KCTD3: variants seen among roughly 807,000 people sequenced by gnomAD.
KCTD3 encodes the protein potassium channel tetramerization domain containing 3.
A neutral mutation model predicts 85.8 loss-of-function variants in KCTD3; 41 were observed. The observed-to-expected ratio is 0.48, with a 90% CI of 0.37 to 0.62. KCTD3 has a LOEUF of 0.62. Among genes scored for constraint, KCTD3 ranks in the 20% least tolerant of loss-of-function variants. The probability of loss-of-function intolerance (pLI) is 0.00; values close to 1 mark genes in which losing one functional copy is unlikely to be tolerated. For missense variants in KCTD3, 724 were observed against 989.9 expected, an observed-to-expected ratio of 0.73 and a Z score of 3.60; for synonymous variants, 338 against 345.4, an observed-to-expected ratio of 0.98 and a Z score of 0.24.
At position 215,620,389 on chromosome 1, in the gene KCTD3, A is replaced by T. The variant is rs1655623415; in HGVS notation, c.2219A>T (p.Lys740Ile). The change falls in exon 18 of 18, where the codon AAA (lysine) becomes ATA (isoleucine). Residue 740 changes from lysine to isoleucine, a missense_variant. Physicochemically the swap from Lys to Ile is moderately radical, Grantham distance 102. This residue lies in a region of KCTD3 where 222 missense variants were observed against 217.7 expected (regional missense o/e 1.02). Coordinates refer to ENST00000259154, the MANE Select transcript of KCTD3 (RefSeq NM_016121.5). ...GCTGAAGGTTTTTCAGAATCCAAGA[A>T]AAGGTCATCAGAAGATGAAAATGAA... Reference protein sequence around the residue: ...KIAEGFSESKKRSSEDENENK... With the variant: ...KIAEGFSESKIRSSEDENENK... 9 of 1,612,894 alleles carry T rather than the reference A, an allele frequency of 5.6e-6. No homozygotes were observed. In the East Asian group the frequency reaches 2.0e-4, roughly 36 times the overall value.
At chr1:215,578,799 G>A (rs1659683697) in intron 6 of KCTD3, among the ~76,000 whole-genome samples, 2 of 152,038 alleles carry the variant, frequency 1.3e-5, no homozygotes, top group Non-Finnish European at 2.9e-5. Context: ...TCTGTTGACA[G>A]AATTTTGTCT....
intron 9 of KCTD3, among the ~76,000 whole-genome samples, chr1:215,589,845 G>T (rs1660147618): frequency 6.6e-6 from 1 of 152,164 alleles, no homozygotes; most frequent in Admixed American, 6.5e-5. Context: ...TTCACCCGTT[G>T]ATAGACATTT....
intron 1 of KCTD3, among the ~76,000 whole-genome samples, chr1:215,571,081 C>T (rs762508782): frequency 2.6e-5 from 4 of 152,136 alleles, no homozygotes; most frequent in Non-Finnish European, 5.9e-5. Flanking sequence ...TGATTTTAAG[C>T]AGACCTTTGT....
In KCTD3 at chr1:215,567,786, G is replaced by A. The variant is rs1286855989; in HGVS notation, c.83+18G>A. On this transcript the variant is annotated intron_variant, in intron 1 of 17. Coordinates refer to ENST00000259154, the MANE Select transcript of KCTD3 (RefSeq NM_016121.5). Reference sequence around the variant, plus strand: ...GGGACCAGGTGAGTCGGCGGGTAGCGGGCTTGCAGCGGGGATGCCTTGGCG... The same window carrying A: ...GGGACCAGGTGAGTCGGCGGGTAGCAGGCTTGCAGCGGGGATGCCTTGGCG... 49 of 1,238,848 alleles carry A rather than the reference G, an allele frequency of 4.0e-5. No homozygotes were observed. 76.7% of individuals were successfully genotyped at this position (1,238,848 alleles called of 1,614,324 possible). A position where few individuals can be genotyped will look rare whatever the true frequency, so the allele number is the denominator to read the frequency against.
At chr1:215,616,113 AAAG>A (rs1187925316) in intron 15 of KCTD3, among the ~76,000 whole-genome samples, 2 of 152,170 alleles carry the variant, frequency 1.3e-5, no homozygotes, top group East Asian at 1.9e-4. Flanking sequence ...CCTTGGGGAA[AAAG>A]AAGATTGTCT....
At chr1:215,579,608 C>A (rs1392180181) in intron 7 of KCTD3, among the ~76,000 whole-genome samples, 1 of 151,872 alleles carries the variant, frequency 6.6e-6, no homozygotes, top group African/African-American at 2.4e-5. Context: ...ACGCCATTCT[C>A]CTGCCTCAGC....
At chr1:215,572,160 A>G (rs991229076) in intron 1 of KCTD3, among the ~76,000 whole-genome samples, 1 of 152,208 alleles carries the variant, frequency 6.6e-6, no homozygotes, top group Admixed American at 6.5e-5. Flanking sequence ...TGCAGATCGT[A>G]CAGAAGAATC....
intron 17 of KCTD3, among the ~76,000 whole-genome samples, 191 bp from the exon 18 acceptor site, chr1:215,619,866 T>C (rs1434183517): frequency 6.6e-6 from 1 of 152,184 alleles, no homozygotes; most frequent in Non-Finnish European, 1.5e-5. Flanking sequence ...GATGGTATTA[T>C]TTGCATTGGT....
chr1:215,605,629 G>C (rs1654990427), intron 13 of KCTD3, among the ~76,000 whole-genome samples: 1 of 152,010 alleles, frequency 6.6e-6, no homozygotes. Flanking sequence ...ATGTTTAATA[G>C]GCATCTCAAA....
At chr1:215,584,555 A>G (rs902920378) in intron 8 of KCTD3, among the ~76,000 whole-genome samples, 4 of 152,158 alleles carry the variant, frequency 2.6e-5, no homozygotes, top group Admixed American at 6.5e-5. Flanking sequence ...TTGAGGTTTC[A>G]TGATAACTTG....
chr1:215,618,848 T>G, intron 15 of KCTD3, 38 bp from the exon 16 acceptor site: 4 of 1,447,920 alleles, frequency 2.8e-6, no homozygotes, highest in Non-Finnish European at 3.7e-6. Context: ...AAATAATTGC[T>G]CATTCCCATC....
At chr1:215,572,179 G>T (rs1185647028) in intron 1 of KCTD3, among the ~76,000 whole-genome samples, 1 of 152,150 alleles carries the variant, frequency 6.6e-6, no homozygotes, top group African/African-American at 2.4e-5. Context: ...TCAAGTCTCC[G>T]TTTTGTACAG....
chr1:215,599,893 A>G (rs1049273133), intron 10 of KCTD3, among the ~76,000 whole-genome samples: 24 of 134,664 alleles, frequency 1.8e-4, no homozygotes, highest in African/African-American at 3.8e-4. Flanking sequence ...TCTTTCATTG[A>G]AAAAAAAAAA....
At chr1:215,605,705 C>T (rs898548153) in intron 13 of KCTD3, among the ~76,000 whole-genome samples, 8 of 152,102 alleles carry the variant, frequency 5.3e-5, no homozygotes, top group African/African-American at 1.9e-4. Flanking sequence ...TACAGTATCA[C>T]CATCTACTTA....
intron 8 of KCTD3, among the ~76,000 whole-genome samples, chr1:215,581,837 A>C (rs1298414043): frequency 2.0e-5 from 3 of 152,262 alleles, no homozygotes; most frequent in African/African-American, 7.2e-5. Context: ...AAAAGAAAGA[A>C]AAATATTTAA....
chr1:215,600,503 G>A (rs745817437), intron 10 of KCTD3, among the ~76,000 whole-genome samples: 1 of 152,058 alleles, frequency 6.6e-6, no homozygotes, highest in Non-Finnish European at 1.5e-5. Context: ...TCTCTCCTGT[G>A]ATTGTATTGT....
intron 8 of KCTD3, among the ~76,000 whole-genome samples, chr1:215,584,902 T>G (rs1054171980): frequency 2.6e-5 from 4 of 152,138 alleles, no homozygotes; most frequent in African/African-American, 4.8e-5. Flanking sequence ...TGCTCCAAAT[T>G]TTGTTTATAA....
chr1:215,587,503 GTTA>G (rs1220174705), intron 9 of KCTD3, among the ~76,000 whole-genome samples: 4 of 152,110 alleles, frequency 2.6e-5, no homozygotes, highest in African/African-American at 9.7e-5. Flanking sequence ...TGTTAATATA[GTTA>G]TAATAATCCA....
intron 13 of KCTD3, among the ~76,000 whole-genome samples, chr1:215,605,226 T>G (rs553976460): frequency 6.6e-6 from 1 of 152,320 alleles, no homozygotes; most frequent in South Asian, 2.1e-4. Context: ...ATAATGCATC[T>G]TTTGTGAAAG....
Sources: allele counts gnomAD v4.1 joint callset (sites outside exome capture counted in the v4.1 genomes callset), GRCh38; gene constraint gnomAD v4.1.1; regional missense constraint gnomAD v4.1.1; transcripts MANE v1.5; gene names NCBI Gene and HGNC (gene_info 2026-07-23, HGNC 2026-07-21).